CCDC171: variants seen among roughly 807,000 people sequenced by gnomAD.
CCDC171 encodes the protein coiled-coil domain-containing protein 171.
CCDC171 carries 177 observed loss-of-function variants against 168.2 expected under a neutral mutation model. The observed-to-expected ratio is 1.05, with a 90% CI of 0.93 to 1.19. The LOEUF (loss-of-function observed/expected upper bound fraction) is 1.19. CCDC171 is among the 50% of genes most tolerant of loss of function. The pLI is 0.00. For synonymous variants in CCDC171, 687 were observed against 540.8 expected (o/e 1.27, Z -3.75); for missense variants, 1,991 against 1,539.0 (o/e 1.29, Z -4.91).
intron 3 of CCDC171, among the ~76,000 whole-genome samples, chr9:16,017,544 A>G (rs1051861618): frequency 4.0e-5 from 6 of 151,848 alleles, no homozygotes; most frequent in African/African-American, 1.5e-4. Flanking sequence ...GTTAAAGAAA[A>G]TAAACTTTCA....
intron 3 of CCDC171, among the ~76,000 whole-genome samples, chr9:15,988,073 ACT>A (rs1832054276): frequency 6.6e-6 from 1 of 152,238 alleles, no homozygotes; most frequent in Non-Finnish European, 1.5e-5. Flanking sequence ...ACACATCAGT[ACT>A]TAACAATAAA....
rs1200129534 is a variant in CCDC171, at chr9:15,971,747, A to C, written c.3892A>C (p.Asn1298His). 1.7e-5 allele frequency: 28 copies of C among 1,613,872 alleles called. No homozygotes were observed. Among genetic ancestry groups the C allele is most frequent in the Non-Finnish European group, 2.4e-5 (28 of 1,179,914 alleles). Residue 1298 changes from asparagine to histidine, a missense_variant, in exon 26 of 26, where the codon AAT (asparagine) becomes CAT (histidine). By Grantham distance (68) the Asn-to-His change is moderately conservative (BLOSUM62 1). Coordinates refer to ENST00000380701, the MANE Select transcript of CCDC171 (RefSeq NM_173550.4). ...TYTFLKETFINTVPHALTSSH... is the reference protein window; with the variant it reads ...TYTFLKETFIHTVPHALTSSH... ...CACTTTCTTAAAGGAGACATTTATA[A>C]ATACTGTGCCCCATGCTCTGACATC...
intron 11 of CCDC171, among the ~76,000 whole-genome samples, chr9:15,712,872 T>C (rs1393474084): frequency 1.3e-5 from 2 of 152,216 alleles, no homozygotes; most frequent in Admixed American, 6.5e-5. Flanking sequence ...ATGACTCTTT[T>C]GTTCAATTTT....
intron 6 of CCDC171, among the ~76,000 whole-genome samples, chr9:15,609,730 C>T (rs888447229): frequency 6.6e-6 from 1 of 152,014 alleles, no homozygotes; most frequent in African/African-American, 2.4e-5. Context: ...TTCATTATAC[C>T]TTTAGAATAA....
intron 4 of CCDC171, among the ~76,000 whole-genome samples, chr9:15,580,925 G>C (rs1229169762): frequency 6.6e-6 from 1 of 152,078 alleles, no homozygotes; most frequent in Non-Finnish European, 1.5e-5. Flanking sequence ...TGGAAGTTCT[G>C]GCCAGGGCAA....
At chr9:15,729,930 C>T in intron 16 of CCDC171, 132 bp downstream of exon 16, 1 of 616,990 alleles carries the variant, frequency 1.6e-6, no homozygotes. Context: ...TTTAGATACA[C>T]ATATATTTGT....
intron 9 of CCDC171, among the ~76,000 whole-genome samples, chr9:15,676,105 C>T (rs567170756): frequency 6.6e-6 from 1 of 152,238 alleles, no homozygotes. Context: ...CATGTCTTCT[C>T]ACTTCATTTC....
intron 7 of CCDC171, among the ~76,000 whole-genome samples, chr9:15,638,055 A>G (rs962294692): frequency 6.6e-6 from 1 of 152,224 alleles, no homozygotes; most frequent in Non-Finnish European, 1.5e-5. Context: ...ACTGACTTCC[A>G]CAATATTTTT....
At chr9:15,863,347 T>G (rs997343528) in intron 23 of CCDC171, among the ~76,000 whole-genome samples, 2 of 152,028 alleles carry the variant, frequency 1.3e-5, no homozygotes, top group African/African-American at 4.8e-5. Flanking sequence ...GCTACTTTCT[T>G]GAATTTCCAT....
chr9:15,933,193 A>C (rs934812533), intron 25 of CCDC171, among the ~76,000 whole-genome samples: 1 of 151,984 alleles, frequency 6.6e-6, no homozygotes, highest in Non-Finnish European at 1.5e-5. Flanking sequence ...AATGTTAGAT[A>C]GATTTCAGCA....
At chr9:16,022,930 G>T (rs1348117371) in intron 6 of CCDC171, 3 of 152,134 alleles carry the variant, frequency 2.0e-5, no homozygotes, top group African/African-American at 7.2e-5. Context: ...TTCATATGTT[G>T]AATTACCAGT....
downstream of CCDC171, among the ~76,000 whole-genome samples, chr9:16,065,491 G>A (rs1192308609): frequency 6.6e-6 from 1 of 152,192 alleles, no homozygotes; most frequent in Non-Finnish European, 1.5e-5. Flanking sequence ...AGGAACCTGA[G>A]GGATAAGGAG....
In CCDC171 at chr9:15,559,467, A is replaced by T. The variant is rs576911864; in HGVS notation, c.-111-4511A>T. On this transcript the variant is annotated intron_variant, in intron 1 of 25. Transcript: ENST00000380701. Reference sequence around the variant, plus strand: ...ATAGTTAGCTCTTCTTGTTGAACTGATCCCTTTACCATTATGTAATGGCCT... The same window carrying T: ...ATAGTTAGCTCTTCTTGTTGAACTGTTCCCTTTACCATTATGTAATGGCCT... Among the ~76,000 whole-genome samples the T allele has an allele frequency of 5.9e-5, 9 of 152,188 alleles. No individual in the cohort carries two copies. The South Asian group carries it at 1.9e-3, about 32-fold the overall frequency.
chr9:15,930,655 A>G (rs1262937787), intron 25 of CCDC171, among the ~76,000 whole-genome samples: 2 of 151,672 alleles, frequency 1.3e-5, no homozygotes, highest in African/African-American at 4.8e-5. Flanking sequence ...GTAAGACTTT[A>G]TGTTATTTCA....
At chr9:16,075,557 T>G in the CCDC171 span, among the ~76,000 whole-genome samples, 3 of 152,198 alleles carry the variant, frequency 2.0e-5, no homozygotes, top group Non-Finnish European at 4.4e-5. Context: ...CAACAGCTAC[T>G]GTACCTGGTT....
chr9:15,554,982 C>A (rs1362891917), intron 1 of CCDC171, among the ~76,000 whole-genome samples: 1 of 152,084 alleles, frequency 6.6e-6, no homozygotes, highest in East Asian at 1.9e-4. Context: ...ACCCATCCCT[C>A]GTTTTTCCTC....
At chr9:16,033,719 T>C (rs904751844) in intron 6 of CCDC171, among the ~76,000 whole-genome samples, 2 of 151,612 alleles carry the variant, frequency 1.3e-5, no homozygotes, top group Admixed American at 6.6e-5. Flanking sequence ...AAAACTGTCT[T>C]ACACAAAACC....
chr9:16,046,749 G>A (rs137989514), intron 1 of CCDC171, among the ~76,000 whole-genome samples: 2,060 of 152,280 alleles, frequency 0.014, 44 homozygotes, highest in African/African-American at 0.046. Flanking sequence ...CGCCATGTAA[G>A]ATGTGCCTTT....
chr9:15,647,964 A>G (rs921414597), intron 7 of CCDC171, among the ~76,000 whole-genome samples: 2 of 152,338 alleles, frequency 1.3e-5, no homozygotes, highest in African/African-American at 4.8e-5. Flanking sequence ...TTTTAGACCA[A>G]TGTCCCTGAT....
Sources: gnomAD v4.1 joint callset for allele counts (sites outside exome capture counted in the v4.1 genomes callset) on GRCh38, gnomAD v4.1.1 for gene constraint, MANE v1.5 for transcripts, NCBI Gene and HGNC (gene_info 2026-07-23, HGNC 2026-07-21) for gene names.